The following SH3GL2 variants were observed in gnomAD, a reference collection of about 807,000 sequenced individuals.
The protein encoded by SH3GL2 is SH3 domain containing GRB2 like 2, endophilin A1.
SH3GL2 carries 24 observed loss-of-function variants against 46.0 expected under a neutral mutation model. The ratio of observed to expected loss-of-function variants is 0.52; its 90% confidence interval spans 0.38 to 0.73. The LOEUF (loss-of-function observed/expected upper bound fraction) is 0.73. SH3GL2 is among the 30% of genes least tolerant of loss of function. The probability of loss-of-function intolerance (pLI) is 0.00; values close to 1 mark genes in which losing one functional copy is unlikely to be tolerated. For missense variants in SH3GL2, 413 were observed against 424.2 expected (o/e 0.97, Z 0.23); for synonymous variants, 196 against 147.1 (o/e 1.33, Z -2.40).
In SH3GL2 at chr9:17,652,817, T is replaced by C. The variant is rs375491325; in HGVS notation, c.45+73530T>C. On this transcript the variant is annotated intron_variant, in intron 1 of 8. Coordinates refer to ENST00000380607, the MANE Select transcript of SH3GL2 (RefSeq NM_003026.5). ...AACATACTGAATTATCCAATGAAAA[T>C]AGTTGAATTTGTTATTCTAGTAGAT... Among the ~76,000 whole-genome samples the C allele has an allele frequency of 4.6e-5, 7 of 152,298 alleles. No homozygotes were observed. The South Asian group carries it at 8.3e-4, about 18-fold the overall frequency.
intron 6 of SH3GL2, chr9:17,789,895 A>G (rs1469528885): frequency 2.4e-6 from 1 of 419,562 alleles, no homozygotes; most frequent in Non-Finnish European, 3.2e-6. Context: ...TACTTGAGGT[A>G]TGGTTTCTAC....
At chr9:17,752,321 G>A (rs1822869900) in intron 2 of SH3GL2, among the ~76,000 whole-genome samples, 1 of 152,108 alleles carries the variant, frequency 6.6e-6, no homozygotes, top group Admixed American at 6.5e-5. Context: ...TACTTTAAGT[G>A]GGTGTGTATG....
chr9:17,683,132 TG>T (rs1474393430), intron 1 of SH3GL2, among the ~76,000 whole-genome samples: 9 of 152,078 alleles, frequency 5.9e-5, no homozygotes, highest in Admixed American at 6.6e-5. Flanking sequence ...CTGATGCTGA[TG>T]TCACATAAGC....
chr9:17,638,843 G>A (rs1819608591), intron 1 of SH3GL2, among the ~76,000 whole-genome samples: 1 of 152,132 alleles, frequency 6.6e-6, no homozygotes, highest in South Asian at 2.1e-4. Context: ...TGGGGGAGGG[G>A]GTGGTGGTGT....
chr9:17,786,372 C>A lies in SH3GL2; in HGVS notation c.188-9C>A. Reference sequence around the variant, plus strand: ...CTACTCTGAAAGCTTGTTCTCTCTTCACCTTCAGCTTCCAGAGCTAAGCTC... The same window carrying A: ...CTACTCTGAAAGCTTGTTCTCTCTTAACCTTCAGCTTCCAGAGCTAAGCTC... On this transcript the variant is annotated splice_polypyrimidine_tract_variant and intron_variant, in intron 3 of 8. Coordinates refer to ENST00000380607, the MANE Select transcript of SH3GL2 (RefSeq NM_003026.5). 1.9e-6 allele frequency: 3 copies of A among 1,603,384 alleles called. No homozygotes were observed. The highest frequency in any genetic ancestry group is 2.6e-6 in the Non-Finnish European group (3 of 1,176,368).
intron 1 of SH3GL2, among the ~76,000 whole-genome samples, chr9:17,610,754 T>A (rs780417278): frequency 3.3e-5 from 5 of 152,042 alleles, no homozygotes; most frequent in Admixed American, 6.5e-5. Flanking sequence ...AAAGCGAATA[T>A]CTTCTCCTAT....
intron 1 of SH3GL2, among the ~76,000 whole-genome samples, chr9:17,694,804 C>T (rs762138185): frequency 1.3e-5 from 2 of 152,096 alleles, no homozygotes; most frequent in Non-Finnish European, 2.9e-5. Flanking sequence ...AGTTAAATGT[C>T]AAACTTCACA....
rs879386602 is a variant in SH3GL2, at chr9:17,686,447, C to T, written c.46-60619C>T. 8.8e-3 allele frequency among the ~76,000 whole-genome samples: 1,238 copies of T among 140,568 alleles called. 16 individuals carry two copies. The highest frequency in any genetic ancestry group is 0.023 in the South Asian group (92 of 4,050). 92.2% of individuals were successfully genotyped at this position (140,568 alleles called of 152,430 possible). Reference sequence around the variant, plus strand: ...AGCCATCCCATTACTGGGTATATACCCAAAGGACTATAAATCATGCTGCTA... The same window carrying T: ...AGCCATCCCATTACTGGGTATATACTCAAAGGACTATAAATCATGCTGCTA... On this transcript the variant is annotated intron_variant, in intron 1 of 8. Coordinates refer to ENST00000380607, the MANE Select transcript of SH3GL2 (RefSeq NM_003026.5).
chr9:17,690,354 C>G (rs1821044699), intron 1 of SH3GL2, among the ~76,000 whole-genome samples: 1 of 152,126 alleles, frequency 6.6e-6, no homozygotes, highest in Non-Finnish European at 1.5e-5. Flanking sequence ...ATGGACTCCT[C>G]CAAGCTTTAT....
At chr9:17,692,501 C>G (rs1411627025) in intron 1 of SH3GL2, among the ~76,000 whole-genome samples, 5 of 151,912 alleles carry the variant, frequency 3.3e-5, no homozygotes. Context: ...CAAAAATTAG[C>G]TGGGTCTGGT....
intron 1 of SH3GL2, among the ~76,000 whole-genome samples, chr9:17,597,333 C>A (rs1818591327): frequency 6.6e-6 from 1 of 152,044 alleles, no homozygotes; most frequent in Non-Finnish European, 1.5e-5. Flanking sequence ...GCCAGCCTGA[C>A]CAACATGCCC....
At chr9:17,784,948 A>G (rs1328247508) in intron 3 of SH3GL2, among the ~76,000 whole-genome samples, 1 of 152,156 alleles carries the variant, frequency 6.6e-6, no homozygotes, top group African/African-American at 2.4e-5. Flanking sequence ...CCTGGCCTCA[A>G]ATGATCCTCC....
At chr9:17,652,281 T>C (rs1819975743) in intron 1 of SH3GL2, among the ~76,000 whole-genome samples, 1 of 152,146 alleles carries the variant, frequency 6.6e-6, no homozygotes, top group Non-Finnish European at 1.5e-5. Flanking sequence ...AAGGATTTTA[T>C]AGTTTCCCTC....
chr9:17,664,204 A>C (rs1315995053), intron 1 of SH3GL2, among the ~76,000 whole-genome samples: 1 of 152,226 alleles, frequency 6.6e-6, no homozygotes, highest in Non-Finnish European at 1.5e-5. Context: ...GAACTAAAAC[A>C]TGGAAATTGT....
intron 1 of SH3GL2, among the ~76,000 whole-genome samples, chr9:17,729,956 T>G (rs1822127593): frequency 2.7e-5 from 4 of 148,698 alleles, no homozygotes; most frequent in South Asian, 4.3e-4. Flanking sequence ...CTTTTTTTGG[T>G]TCCATATGAC....
rs200115929 is a variant in SH3GL2, at chr9:17,643,693, G to A, written c.45+64406G>A. Among the ~76,000 whole-genome samples, 284 of 152,238 alleles carry A rather than the reference G, an allele frequency of 1.9e-3. 1 individual carries two copies. The highest frequency in any genetic ancestry group is 0.014 in the Middle Eastern group (4 of 294). On this transcript the variant is annotated intron_variant, in intron 1 of 8. Coordinates refer to ENST00000380607, the MANE Select transcript of SH3GL2 (RefSeq NM_003026.5). ...TCCCACGGGTGAAGCCGACTTGATC[G>A]TGGTGGATAAGCTTTTTGATGTGCT...
intron 3 of SH3GL2, among the ~76,000 whole-genome samples, chr9:17,771,078 C>G (rs1013350631): frequency 2.0e-5 from 3 of 152,180 alleles, no homozygotes; most frequent in African/African-American, 7.2e-5. Context: ...ATGTAGAAAA[C>G]TAATACAGTG....
In SH3GL2 at chr9:17,701,155, T is replaced by C. The variant is rs1011801023; in HGVS notation, c.46-45911T>C. 3.3e-5 allele frequency among the ~76,000 whole-genome samples: 5 copies of C among 152,184 alleles called. 1 individual carries two copies. The highest frequency in any genetic ancestry group is 1.2e-4 in the African/African-American group (5 of 41,438). On this transcript the variant is annotated intron_variant, in intron 1 of 8. Transcript: ENST00000380607. ...CACAAACCCAGCAGAGAATCCTCCC[T>C]CTGGTTTCTGAATAAACATTGTATA...
At chr9:17,646,642 C>A (rs541414815) in intron 1 of SH3GL2, among the ~76,000 whole-genome samples, 20 of 152,226 alleles carry the variant, frequency 1.3e-4, no homozygotes, top group Non-Finnish European at 2.5e-4. Context: ...CTTCTGCAGG[C>A]CTGATGGAGT....
Sources: gnomAD v4.1 joint callset for allele counts (sites outside exome capture counted in the v4.1 genomes callset) on GRCh38, gnomAD v4.1.1 for gene constraint, MANE v1.5 for transcripts, NCBI Gene and HGNC (gene_info 2026-07-23, HGNC 2026-07-21) for gene names.